Variants in SCN1A observed in about 807,000 individuals in gnomAD.
SCN1A encodes the protein sodium channel protein type 1 subunit alpha.
A neutral mutation model predicts 193.7 loss-of-function variants in SCN1A; 13 were observed. That is an observed-to-expected ratio of 0.07 (90% CI 0.04 to 0.11). SCN1A has a LOEUF of 0.11. SCN1A is among the 10% of genes least tolerant of loss of function. SCN1A has a pLI of 1.00. For missense variants in SCN1A, 1,432 were observed against 2,451.1 expected, an observed-to-expected ratio of 0.58 and a Z score of 8.78; for synonymous variants, 781 against 843.6, an observed-to-expected ratio of 0.93 and a Z score of 1.29.
chr2:166,059,081 A>G (rs927671386), intron 4 of SCN1A, among the ~76,000 whole-genome samples: 6 of 152,152 alleles, frequency 3.9e-5, no homozygotes, highest in Admixed American at 6.6e-5. Flanking sequence ...CAATTCAAAT[A>G]TCTTGAAAAT....
chr2:166,051,711 AT>A lies in SCN1A; in HGVS notation c.964+7del. 1 of 1,587,490 alleles carries A rather than the reference AT, an allele frequency of 6.3e-7. No individual in the cohort carries two copies. Among genetic ancestry groups the A allele is most frequent in the Non-Finnish European group, 8.6e-7 (1 of 1,158,170 alleles). On this transcript the variant is annotated splice_region_variant and intron_variant, in intron 9 of 28. Transcript: ENST00000674923. ...TTTTAAGGAAATGTACATAACAATAATTCTTACTTGAATCTTGAATATATGA... is the reference window on the plus strand; with the variant it reads ...TTTTAAGGAAATGTACATAACAATAATCTTACTTGAATCTTGAATATATGA...
At chr2:166,127,235 G>T (rs1020500581) in intron 1 of SCN1A, among the ~76,000 whole-genome samples, 1 of 152,164 alleles carries the variant, frequency 6.6e-6, no homozygotes, top group Non-Finnish European at 1.5e-5. Flanking sequence ...AAGGCATGAG[G>T]CATTTCTTCT....
At chr2:166,006,504 T>C (rs1691676897) in intron 23 of SCN1A, among the ~76,000 whole-genome samples, 1 of 151,436 alleles carries the variant, frequency 6.6e-6, no homozygotes. Flanking sequence ...TGCCTTAAAT[T>C]TTATCTTAAT....
intron 1 of SCN1A, among the ~76,000 whole-genome samples, chr2:166,143,069 T>C (rs552831366): frequency 1.6e-5 from 1 of 61,638 alleles, no homozygotes; most frequent in East Asian, 5.1e-4. Context: ...ACTAATACAC[T>C]CGTTGAATAT....
At chr2:166,107,114 C>G (rs1167396784) in intron 2 of SCN1A, among the ~76,000 whole-genome samples, 1 of 152,072 alleles carries the variant, frequency 6.6e-6, no homozygotes, top group East Asian at 1.9e-4. Flanking sequence ...AACATGGAAC[C>G]AAATTTGCTG....
intron 19 of SCN1A, among the ~76,000 whole-genome samples, chr2:166,033,618 A>G (rs1695929627): frequency 6.6e-6 from 1 of 152,200 alleles, no homozygotes; most frequent in Admixed American, 6.5e-5. Flanking sequence ...TTACCTTAAC[A>G]TTTAAAATTT....
At chr2:166,060,506 G>A (rs1474480262) in intron 4 of SCN1A, 3 of 152,162 alleles carry the variant, frequency 2.0e-5, no homozygotes, top group Non-Finnish European at 4.4e-5. Flanking sequence ...CCTTTCAAAT[G>A]TACTGCATAT....
intron 3 of SCN1A, among the ~76,000 whole-genome samples, chr2:166,074,145 C>G (rs565890778): frequency 6.6e-6 from 1 of 152,256 alleles, no homozygotes; most frequent in South Asian, 2.1e-4. Flanking sequence ...TTGCAGTGAC[C>G]AACCTTAATG....
chr2:166,021,588 GATAGT>G (rs1694073084), intron 19 of SCN1A, among the ~76,000 whole-genome samples: 2 of 152,064 alleles, frequency 1.3e-5, no homozygotes, highest in Non-Finnish European at 2.9e-5. Flanking sequence ...TCTCAAAGAT[GATAGT>G]AAGTTTATAA....
intron 2 of SCN1A, among the ~76,000 whole-genome samples, chr2:166,096,297 T>G (rs1687370299): frequency 1.3e-5 from 2 of 152,198 alleles, no homozygotes; most frequent in African/African-American, 4.8e-5. Context: ...TTTTTTTGGT[T>G]GTTGTTACAG....
chr2:166,085,555 A>ATC (rs1686019001), intron 2 of SCN1A, among the ~76,000 whole-genome samples: 2 of 152,284 alleles, frequency 1.3e-5, no homozygotes, highest in Admixed American at 6.5e-5. Context: ...GTATGGAGAG[A>ATC]TACAGCATAG....
At chr2:166,138,212 C>G (rs1691940660) in intron 1 of SCN1A, among the ~76,000 whole-genome samples, 1 of 152,166 alleles carries the variant, frequency 6.6e-6, no homozygotes, top group Non-Finnish European at 1.5e-5. Context: ...AAGAAAATCC[C>G]ATTTTCTGAG....
intron 4 of SCN1A, among the ~76,000 whole-genome samples, chr2:166,067,701 T>C: frequency 1.3e-5 from 1 of 74,738 alleles, no homozygotes; most frequent in African/African-American, 6.8e-5. Context: ...AGTACATAGC[T>C]TTTTTTTTTT....
Position 166,052,919 on chromosome 2 carries a change from C to T in SCN1A, c.627G>A (p.Leu209=). ...ATGTTCTCAATGCCGAGACATTGCC[C>T]AGGTCCACAAACTCTGTGACGTACC... ...TFAYVTEFVD[L]GNVSALRTFR... is the part of the protein sequence containing the mutation. Residue 209 remains leucine, a synonymous_variant, in exon 8 of 29, where the codon CTG becomes CTA. Coordinates refer to ENST00000674923, the MANE Select transcript of SCN1A (RefSeq NM_001165963.4). The T allele has an allele frequency of 1.2e-6, 2 of 1,612,444 alleles. No individual in the cohort carries two copies. Among genetic ancestry groups the T allele is most frequent in the Non-Finnish European group, 1.7e-6 (2 of 1,179,084 alleles).
At chr2:166,092,053 A>G (rs1004222166) in intron 2 of SCN1A, among the ~76,000 whole-genome samples, 2 of 152,146 alleles carry the variant, frequency 1.3e-5, no homozygotes, top group Non-Finnish European at 2.9e-5. Flanking sequence ...CTTCATTCAG[A>G]TAATATTTTT....
intron 18 of SCN1A, 96 bp downstream of exon 18, chr2:166,037,680 T>G (rs1696576825): frequency 1.8e-6 from 2 of 1,084,284 alleles, no homozygotes; most frequent in Admixed American, 1.7e-5. Context: ...ACTTTAAGTT[T>G]TAGGGTACAT....
chr2:165,995,747 T>C (rs949575574), intron 27 of SCN1A, among the ~76,000 whole-genome samples: 1 of 151,776 alleles, frequency 6.6e-6, no homozygotes, highest in African/African-American at 2.4e-5. Context: ...ATGTGTCCAT[T>C]GGCCAATTAA....
intron 28 of SCN1A, chr2:165,993,838 C>A: frequency 2.3e-6 from 1 of 437,522 alleles, no homozygotes; most frequent in Non-Finnish European, 4.1e-6. Context: ...CATCTAGATA[C>A]TATATTGGTT....
intron 2 of SCN1A, among the ~76,000 whole-genome samples, chr2:166,110,048 T>C (rs1689127568): frequency 6.6e-6 from 1 of 152,156 alleles, no homozygotes; most frequent in Non-Finnish European, 1.5e-5. Context: ...CACAAAGTAA[T>C]GATAAATGCT....
Sources: allele counts gnomAD v4.1 joint callset (sites outside exome capture counted in the v4.1 genomes callset), GRCh38; gene constraint gnomAD v4.1.1; transcripts MANE v1.5; gene names NCBI Gene and HGNC (gene_info 2026-07-23, HGNC 2026-07-21).